FMN2: variants seen among roughly 807,000 people sequenced by gnomAD.
FMN2 encodes formin 2.
A neutral mutation model predicts 142.3 loss-of-function variants in FMN2; 51 were observed. That is an observed-to-expected ratio of 0.36 (90% CI 0.29 to 0.45). The LOEUF (loss-of-function observed/expected upper bound fraction) is 0.45. Among genes scored for constraint, FMN2 ranks in the 20% least tolerant of loss-of-function variants. The pLI is 1.00. For synonymous variants in FMN2, 882 were observed against 869.8 expected (o/e 1.01, Z -0.25); for missense variants, 1,936 against 2,122.8 (o/e 0.91, Z 1.73).
chr1:240,260,344 G>A (rs945181410), intron 7 of FMN2, among the ~76,000 whole-genome samples: 2 of 152,120 alleles, frequency 1.3e-5, no homozygotes, highest in Non-Finnish European at 2.9e-5. Flanking sequence ...TTCCATAGTG[G>A]TTGTACTGGT....
At chr1:240,136,259 A>C (rs1025451248) in intron 2 of FMN2, among the ~76,000 whole-genome samples, 3 of 152,122 alleles carry the variant, frequency 2.0e-5, no homozygotes, top group African/African-American at 7.2e-5. Flanking sequence ...TTCCCCCGTT[A>C]TGCTCAATTC....
At chr1:240,441,235 C>T (rs1018068531) in intron 16 of FMN2, among the ~76,000 whole-genome samples, 3 of 152,060 alleles carry the variant, frequency 2.0e-5, no homozygotes, top group African/African-American at 7.2e-5. Flanking sequence ...CCTCATGATC[C>T]ACCCACCTGA....
At chr1:240,468,251 T>TATACATATGCACACACAC (rs1558123866) in intron 16 of FMN2, among the ~76,000 whole-genome samples, 4 of 150,810 alleles carry the variant, frequency 2.7e-5, no homozygotes, top group Admixed American at 6.6e-5. Context: ...CACACACATA[T>TATACATATGCACACACAC]ATACATATGC....
At chr1:240,248,970 T>C (rs1558392541) in intron 6 of FMN2, among the ~76,000 whole-genome samples, 3 of 152,056 alleles carry the variant, frequency 2.0e-5, no homozygotes, top group Non-Finnish European at 4.4e-5. Flanking sequence ...TACTGTTGAG[T>C]TGTTTGAGTT....
chr1:240,388,472 G>C (rs1673486539), intron 14 of FMN2, among the ~76,000 whole-genome samples: 1 of 152,140 alleles, frequency 6.6e-6, no homozygotes, highest in Middle Eastern at 3.4e-3. Flanking sequence ...GTGTGAGAAA[G>C]ACCTTGCAAA....
At chr1:240,315,049 G>T (rs1670728860) in intron 8 of FMN2, among the ~76,000 whole-genome samples, 1 of 152,148 alleles carries the variant, frequency 6.6e-6, no homozygotes, top group Non-Finnish European at 1.5e-5. Context: ...TTAGGGAAAT[G>T]GTGCAGTTGG....
chr1:240,177,689 C>G (rs987362282), intron 2 of FMN2: 1 of 303,382 alleles, frequency 3.3e-6, no homozygotes, highest in Non-Finnish European at 5.9e-6. Context: ...GTAGGTTTTA[C>G]TATAGAAATG....
intron 14 of FMN2, among the ~76,000 whole-genome samples, chr1:240,388,561 CCCT>C (rs1346911485): frequency 6.6e-6 from 1 of 151,952 alleles, no homozygotes; most frequent in Non-Finnish European, 1.5e-5. Context: ...ATCTGGGATG[CCCT>C]TGGCCAGTGA....
intron 2 of FMN2, chr1:240,170,755 GC>G: frequency 7.6e-7 from 1 of 1,316,746 alleles, no homozygotes; most frequent in South Asian, 1.2e-5. Context: ...CTCTGTTTGG[GC>G]CGTCTTTGGC....
chr1:240,416,459 G>A (rs540856676), intron 15 of FMN2, among the ~76,000 whole-genome samples: 1 of 151,960 alleles, frequency 6.6e-6, no homozygotes, highest in East Asian at 1.9e-4. Context: ...TAGTAGAGAC[G>A]GGGTTTCGCC....
chr1:240,230,866 A>G (rs1667507091), intron 6 of FMN2, among the ~76,000 whole-genome samples: 1 of 131,940 alleles, frequency 7.6e-6, no homozygotes, highest in African/African-American at 3.2e-5. Context: ...TCATGCTAGA[A>G]GCTAGAATCT....
At chr1:240,182,427 G>A (rs1665191382) in intron 3 of FMN2, among the ~76,000 whole-genome samples, 2 of 152,140 alleles carry the variant, frequency 1.3e-5, no homozygotes, top group African/African-American at 2.4e-5. Context: ...AGAGGATCTG[G>A]TAGAAATATG....
chr1:240,131,372 C>A (rs1205680744), intron 2 of FMN2, among the ~76,000 whole-genome samples: 1 of 152,004 alleles, frequency 6.6e-6, no homozygotes, highest in African/African-American at 2.4e-5. Flanking sequence ...GGGGCAAGAC[C>A]TGAGGCATGC....
chr1:240,119,373 G>T (rs1052435241), intron 1 of FMN2, among the ~76,000 whole-genome samples: 13 of 151,806 alleles, frequency 8.6e-5, no homozygotes. Context: ...ATTGCAGGGC[G>T]AGGATATCCT....
At chr1:240,332,198 C>T (rs927837376) in intron 11 of FMN2, among the ~76,000 whole-genome samples, 2 of 151,808 alleles carry the variant, frequency 1.3e-5, no homozygotes, top group Non-Finnish European at 2.9e-5. Flanking sequence ...TGTTCAAATG[C>T]TCATGTGTAT....
At chr1:240,166,244 T>C (rs1019187170) in intron 2 of FMN2, among the ~76,000 whole-genome samples, 9 of 151,750 alleles carry the variant, frequency 5.9e-5, no homozygotes, top group Non-Finnish European at 5.9e-5. Flanking sequence ...TAATTTTTTT[T>C]TGGAGACAGA....
intron 14 of FMN2, among the ~76,000 whole-genome samples, chr1:240,389,332 A>C (rs1673527900): frequency 6.6e-6 from 1 of 152,222 alleles, no homozygotes; most frequent in African/African-American, 2.4e-5. Context: ...TATAAATAAC[A>C]ATAAGTTGTT....
intron 1 of FMN2, among the ~76,000 whole-genome samples, chr1:240,114,832 A>G (rs576529554): frequency 3.3e-5 from 5 of 151,784 alleles, no homozygotes; most frequent in Admixed American, 1.3e-4. Flanking sequence ...TAATTTTTGT[A>G]TTTTTAGTAG....
chr1:240,220,274 C>T (rs1345766559), intron 6 of FMN2, among the ~76,000 whole-genome samples: 2 of 152,182 alleles, frequency 1.3e-5, no homozygotes, highest in African/African-American at 4.8e-5. Flanking sequence ...TGAGCCACAA[C>T]CCACTCTGTT....
Sources: allele counts gnomAD v4.1 joint callset (sites outside exome capture counted in the v4.1 genomes callset), GRCh38; gene constraint gnomAD v4.1.1; transcripts MANE v1.5; gene names NCBI Gene and HGNC (gene_info 2026-07-23, HGNC 2026-07-21).